Variants in GPC6 observed in about 807,000 individuals in gnomAD.
The protein encoded by GPC6 is glypican 6, also known as glypican-6.
GPC6 carries 14 observed loss-of-function variants against 55.2 expected under a neutral mutation model. The ratio of observed to expected loss-of-function variants is 0.25; its 90% confidence interval spans 0.17 to 0.40. GPC6 has a LOEUF of 0.40. Ranked by LOEUF, GPC6 falls within the 10% of genes least tolerant of loss-of-function variation. The pLI, the probability that GPC6 is intolerant of heterozygous loss-of-function variation, is 1.00. For missense variants in GPC6, 641 were observed against 708.5 expected (o/e 0.90, Z 1.08); for synonymous variants, 278 against 259.6 (o/e 1.07, Z -0.68).
chr13:93,552,433 T>G (rs759675300), intron 2 of GPC6, among the ~76,000 whole-genome samples: 61 of 143,838 alleles, frequency 4.2e-4, no homozygotes, highest in Non-Finnish European at 8.0e-4. Flanking sequence ...GAATATGCCT[T>G]CCTTCTCTCC....
At chr13:94,325,864 A>T (rs1397867278) in intron 6 of GPC6, among the ~76,000 whole-genome samples, 1 of 152,206 alleles carries the variant, frequency 6.6e-6, no homozygotes, top group Non-Finnish European at 1.5e-5. Flanking sequence ...GCAGAGCAAG[A>T]CGACAATGAG....
intron 1 of GPC6, among the ~76,000 whole-genome samples, chr13:93,289,382 C>T (rs1206386553): frequency 6.6e-6 from 1 of 152,074 alleles, no homozygotes; most frequent in East Asian, 1.9e-4. Flanking sequence ...GATAGATATT[C>T]TGGAAATATG....
intron 4 of GPC6, among the ~76,000 whole-genome samples, chr13:94,117,769 C>T (rs1031776867): frequency 2.0e-5 from 3 of 152,064 alleles, no homozygotes; most frequent in African/African-American, 7.2e-5. Flanking sequence ...CATTTTAGGC[C>T]AGCTTCCCAT....
intron 1 of GPC6, among the ~76,000 whole-genome samples, chr13:93,397,475 C>A (rs1290855057): frequency 6.6e-6 from 1 of 152,118 alleles, no homozygotes; most frequent in Non-Finnish European, 1.5e-5. Context: ...CTGTTCATGT[C>A]TTTTGCCCAT....
chr13:94,065,189 G>A (rs1028882667), intron 4 of GPC6, among the ~76,000 whole-genome samples: 2 of 152,052 alleles, frequency 1.3e-5, no homozygotes, highest in Non-Finnish European at 2.9e-5. Flanking sequence ...TGCTTTGCCT[G>A]TTAATCTTTC....
chr13:94,368,612 C>A (rs1001117500), intron 6 of GPC6, among the ~76,000 whole-genome samples: 2 of 151,682 alleles, frequency 1.3e-5, no homozygotes, highest in African/African-American at 4.8e-5. Context: ...TCTAAGAATA[C>A]GAGGGAGGGA....
chr13:93,523,086 ATGG>A (rs1881487340), intron 1 of GPC6, among the ~76,000 whole-genome samples: 1 of 151,050 alleles, frequency 6.6e-6, no homozygotes, highest in Non-Finnish European at 1.5e-5. Flanking sequence ...TGTGTGTAAC[ATGG>A]TGTATGACAT....
intron 4 of GPC6, among the ~76,000 whole-genome samples, chr13:94,143,492 T>C (rs2138883842): frequency 6.6e-6 from 1 of 152,326 alleles, no homozygotes; most frequent in East Asian, 1.9e-4. Flanking sequence ...TTTAGAATCA[T>C]GACATTCTTC....
chr13:94,269,116 C>G (rs117961241), intron 4 of GPC6, among the ~76,000 whole-genome samples: 2 of 152,176 alleles, frequency 1.3e-5, no homozygotes, highest in East Asian at 3.9e-4. Context: ...GCATGTACCA[C>G]TTCCTGCAGG....
chr13:93,586,480 C>G (rs906079290), intron 2 of GPC6, among the ~76,000 whole-genome samples: 1 of 152,132 alleles, frequency 6.6e-6, no homozygotes, highest in Non-Finnish European at 1.5e-5. Context: ...ACTATTTGCT[C>G]TTTGACAAAC....
chr13:94,132,942 C>T (rs1041887965), intron 4 of GPC6, among the ~76,000 whole-genome samples: 3 of 152,012 alleles, frequency 2.0e-5, no homozygotes, highest in African/African-American at 7.2e-5. Flanking sequence ...AATTATAAGG[C>T]TCCAGATATA....
chr13:94,178,904 C>T lies in GPC6; in HGVS notation c.878-107445C>T, dbSNP rs542208201. On this transcript the variant is annotated intron_variant, in intron 4 of 8. Coordinates refer to ENST00000377047, the MANE Select transcript of GPC6 (RefSeq NM_005708.5). ...CCTGCCTTGTTAGGAGGTACAGGCA[C>T]CCAGTACATCAGCTAAGCACTTTTC... is the stretch of plus-strand genomic sequence containing the variant. 1.8e-4 allele frequency among the ~76,000 whole-genome samples: 28 copies of T among 152,294 alleles called. No individual in the cohort carries two copies. The South Asian group carries it at 3.5e-3, about 19-fold the overall frequency.
At chr13:94,127,213 A>G (rs566477858) in intron 4 of GPC6, among the ~76,000 whole-genome samples, 4 of 152,044 alleles carry the variant, frequency 2.6e-5, no homozygotes, top group Admixed American at 6.6e-5. Flanking sequence ...TACATGGTTG[A>G]TAGAGTTTGG....
chr13:93,737,278 G>T (rs1437755029), intron 2 of GPC6, among the ~76,000 whole-genome samples: 1 of 152,094 alleles, frequency 6.6e-6, no homozygotes, highest in South Asian at 2.1e-4. Context: ...ATAGTGGCCT[G>T]CGAGGACCTT....
chr13:94,312,216 T>A (rs1876283710), intron 6 of GPC6, among the ~76,000 whole-genome samples: 1 of 152,224 alleles, frequency 6.6e-6, no homozygotes, highest in Admixed American at 6.5e-5. Flanking sequence ...CTTCCAAAAA[T>A]ACACTGTAAC....
At chr13:93,790,276 G>T (rs571635659) in intron 2 of GPC6, among the ~76,000 whole-genome samples, 2 of 152,254 alleles carry the variant, frequency 1.3e-5, no homozygotes, top group South Asian at 4.1e-4. Context: ...TTGAGGAGTT[G>T]TTTCCCAATG....
chr13:93,385,190 G>A (rs187089917), intron 1 of GPC6, among the ~76,000 whole-genome samples: 7 of 152,334 alleles, frequency 4.6e-5, no homozygotes, highest in Admixed American at 2.6e-4. Flanking sequence ...AGAGAGCTGC[G>A]GCACTGAAGG....
chr13:93,779,115 G>A (rs1470096391), intron 2 of GPC6, among the ~76,000 whole-genome samples: 1 of 151,990 alleles, frequency 6.6e-6, no homozygotes, highest in Non-Finnish European at 1.5e-5. Context: ...GTCACACACT[G>A]CTTTTCTTTC....
chr13:93,884,096 G>A (rs1302929589), intron 3 of GPC6, among the ~76,000 whole-genome samples: 2 of 152,092 alleles, frequency 1.3e-5, no homozygotes, highest in Non-Finnish European at 2.9e-5. Context: ...GTAAGAAAAG[G>A]TGCAGCTAAA....
Sources: allele counts gnomAD v4.1 joint callset (sites outside exome capture counted in the v4.1 genomes callset), GRCh38; gene constraint gnomAD v4.1.1; transcripts MANE v1.5; gene names NCBI Gene and HGNC (gene_info 2026-07-23, HGNC 2026-07-21).